Variants in DAP3 observed in about 807,000 individuals in gnomAD.
DAP3 encodes small ribosomal subunit protein mS29.
In DAP3, 28 loss-of-function variants were observed where a neutral mutation model predicts 51.9. The observed-to-expected ratio is 0.54, with a 90% CI of 0.40 to 0.74. The LOEUF is 0.74. DAP3 is among the 30% of genes least tolerant of loss of function. The pLI, the probability that DAP3 is intolerant of heterozygous loss-of-function variation, is 0.00. For missense variants in DAP3, 458 were observed against 483.5 expected, an observed-to-expected ratio of 0.95 and a Z score of 0.49; for synonymous variants, 170 against 170.3, an observed-to-expected ratio of 1.00 and a Z score of 0.01.
At chr1:155,688,488 G>C, upstream of DAP3, 3 of 1,549,290 alleles carry the variant, frequency 1.9e-6, no homozygotes, top group Non-Finnish European at 2.6e-6. Flanking sequence ...CAGCCCGCAC[G>C]CGTACGAGTG....
At chr1:155,702,325 T>G (rs1353917297) in intron 1 of DAP3, among the ~76,000 whole-genome samples, 1 of 151,130 alleles carries the variant, frequency 6.6e-6, no homozygotes, top group East Asian at 1.9e-4. Context: ...ACAAAAAAAT[T>G]AGCTGGGCAT....
In DAP3 at chr1:155,717,054, ATTGC is replaced by A; in HGVS notation, c.96_99del (p.Ile32MetfsTer4). 6.2e-7 allele frequency: 1 copy of A among 1,614,064 alleles called. No homozygotes were observed. The highest frequency in any genetic ancestry group is 8.5e-7 in the Non-Finnish European group (1 of 1,180,020). On this transcript the variant is annotated frameshift_variant, in exon 3 of 13. Transcript: ENST00000368336. LOFTEE classifies it high-confidence loss of function. ...CATGGGGACCCAGGCTCGCCAAAGC[ATTGC>A]TGCTCACCTAGATAACCAGGTTCCA...
intron 1 of DAP3, among the ~76,000 whole-genome samples, chr1:155,697,366 T>A (rs1340130688): frequency 6.6e-6 from 1 of 152,138 alleles, no homozygotes; most frequent in East Asian, 1.9e-4. Context: ...TTGGTAGAAA[T>A]CACCTCCGGT....
chr1:155,708,848 G>A (rs1461046020), intron 1 of DAP3, among the ~76,000 whole-genome samples: 1 of 151,834 alleles, frequency 6.6e-6, no homozygotes, highest in Non-Finnish European at 1.5e-5. Context: ...GGGACTACAG[G>A]CGCCCACCAC....
intron 1 of DAP3, among the ~76,000 whole-genome samples, chr1:155,693,266 AAGG>A (rs1027032269): frequency 7.0e-6 from 1 of 142,016 alleles, no homozygotes; most frequent in Admixed American, 6.6e-5. Flanking sequence ...ATCAACATAA[AAGG>A]AGGCTTGACA....
chr1:155,714,432 G>GA (rs1215812908), intron 2 of DAP3, among the ~76,000 whole-genome samples: 16 of 152,186 alleles, frequency 1.1e-4, no homozygotes, highest in South Asian at 6.2e-4. Flanking sequence ...TATGAACGAT[G>GA]AAAAAATCAA....
chr1:155,732,948 C>T (rs1199505248), intron 11 of DAP3, among the ~76,000 whole-genome samples: 1 of 152,112 alleles, frequency 6.6e-6, no homozygotes, highest in Non-Finnish European at 1.5e-5. Context: ...CGCTTGAACC[C>T]GGGAGGTGGA....
chr1:155,709,669 A>T, intron 1 of DAP3, 104 bp from the exon 2 acceptor site: 1 of 889,468 alleles, frequency 1.1e-6, no homozygotes, highest in Non-Finnish European at 1.7e-6. Flanking sequence ...TCTAGATATT[A>T]ATATAGATTA....
intron 11 of DAP3, among the ~76,000 whole-genome samples, chr1:155,733,639 C>T (rs1330742427): frequency 6.7e-6 from 1 of 150,200 alleles, no homozygotes; most frequent in African/African-American, 2.5e-5. Context: ...GAGTTCAAGA[C>T]CAGCCTGGCC....
In DAP3 at chr1:155,689,123, C is replaced by G. The variant is rs181055129; in HGVS notation, c.-59C>G. 645 of 1,078,020 alleles carry G rather than the reference C, an allele frequency of 6.0e-4. 2 individuals are homozygous for G. In the African/African-American group the frequency reaches 8.3e-3, roughly 14 times the overall value. 66.8% of individuals were successfully genotyped at this position (1,078,020 alleles called of 1,614,324 possible). ...CAGGACGGGCGCTTTGGAGCCGGCCCCAGGCAGCGTGTGTCGGTCGCCTAG... is the reference window on the plus strand; with the variant it reads ...CAGGACGGGCGCTTTGGAGCCGGCCGCAGGCAGCGTGTGTCGGTCGCCTAG... On this transcript the variant is annotated 5_prime_UTR_variant, in exon 1 of 13. Transcript: ENST00000368336.
Position 155,725,972 on chromosome 1 carries a change from T to C in DAP3, c.425T>C (p.Ile142Thr), listed in dbSNP as rs971530058. 5 of 1,614,196 alleles carry C rather than the reference T, an allele frequency of 3.1e-6. No individual in the cohort carries two copies. Among genetic ancestry groups the C allele is most frequent in the African/African-American group, 1.3e-5 (1 of 75,044 alleles). ...TGKTLSLCHV[I>T]HFCAKQDWLI... ...AAAACCCTAAGTCTTTGCCATGTTA[T>C]TCATTTCTGTGCAAAACAGGACTGG... Residue 142 changes from isoleucine (I) to threonine (T), a missense_variant, in exon 6 of 13, where the codon ATT (isoleucine) becomes ACT (threonine). Physicochemically the swap from Ile to Thr is moderately conservative, Grantham distance 89. Coordinates refer to ENST00000368336, the MANE Select transcript of DAP3 (RefSeq NM_004632.4).
At chr1:155,727,482 AAAAAG>A in intron 6 of DAP3, 121 bp from the exon 7 acceptor site, 2 of 1,069,472 alleles carry the variant, frequency 1.9e-6, no homozygotes, top group Non-Finnish European at 2.5e-6. Flanking sequence ...AAAAAAAAAA[AAAAAG>A]AAAAGAAATA....
At chr1:155,716,284 G>A (rs1298806063) in intron 2 of DAP3, among the ~76,000 whole-genome samples, 1 of 152,104 alleles carries the variant, frequency 6.6e-6, no homozygotes, top group African/African-American at 2.4e-5. Flanking sequence ...AAATGTTGCC[G>A]GGCGCGGTGG....
At chr1:155,713,804 A>G (rs976621751) in intron 2 of DAP3, among the ~76,000 whole-genome samples, 24 of 152,306 alleles carry the variant, frequency 1.6e-4, no homozygotes, top group African/African-American at 5.8e-4. Context: ...TATTCTGCCT[A>G]TCTTCTAGGA....
At chr1:155,714,765 GAAA>G (rs1657131284) in intron 2 of DAP3, among the ~76,000 whole-genome samples, 1 of 151,478 alleles carries the variant, frequency 6.6e-6, no homozygotes, top group African/African-American at 2.4e-5. Flanking sequence ...CAAAAAAAAA[GAAA>G]AACAAAAGTG....
intron 1 of DAP3, among the ~76,000 whole-genome samples, chr1:155,695,824 C>T (rs561980628): frequency 1.4e-4 from 22 of 152,146 alleles, no homozygotes; most frequent in African/African-American, 4.1e-4. Flanking sequence ...CCACATATGC[C>T]GCTTTCCCAG....
chr1:155,705,833 T>C (rs1434090629), intron 1 of DAP3, among the ~76,000 whole-genome samples: 1 of 151,962 alleles, frequency 6.6e-6, no homozygotes, highest in East Asian at 1.9e-4. Context: ...CCTGAGTAGC[T>C]GGGAAAACAG....
intron 1 of DAP3, among the ~76,000 whole-genome samples, chr1:155,708,870 A>G (rs1656339867): frequency 6.6e-6 from 1 of 151,172 alleles, no homozygotes; most frequent in African/African-American, 2.4e-5. Context: ...ACACCTAGCT[A>G]TTTTTTTGCA....
At chr1:155,697,171 G>A (rs1416855560) in intron 1 of DAP3, among the ~76,000 whole-genome samples, 2 of 152,178 alleles carry the variant, frequency 1.3e-5, no homozygotes, top group African/African-American at 2.4e-5. Flanking sequence ...GCTGCAGGGT[G>A]AGCCTGAATT....
Sources: allele counts gnomAD v4.1 joint callset (sites outside exome capture counted in the v4.1 genomes callset), GRCh38; gene constraint gnomAD v4.1.1; transcripts MANE v1.5; gene names NCBI Gene and HGNC (gene_info 2026-07-23, HGNC 2026-07-21).